The following ROPN1L variants were observed in gnomAD, a reference collection of about 807,000 sequenced individuals.
ROPN1L encodes the protein ropporin-1-like protein.
A neutral mutation model predicts 22.7 loss-of-function variants in ROPN1L; 23 were observed. The ratio of observed to expected loss-of-function variants is 1.01; its 90% CI spans 0.73 to 1.43. ROPN1L has a LOEUF of 1.43. Ranked by LOEUF, ROPN1L falls within the 40% of genes most tolerant of loss-of-function variation. ROPN1L has a pLI of 0.00. For synonymous variants in ROPN1L, 116 were observed against 117.8 expected, an observed-to-expected ratio of 0.98 and a Z score of 0.10; for missense variants, 271 against 291.5, an observed-to-expected ratio of 0.93 and a Z score of 0.51.
intron 1 of ROPN1L, among the ~76,000 whole-genome samples, chr5:10,444,028 T>C (rs1029034684): frequency 6.6e-6 from 1 of 152,188 alleles, no homozygotes; most frequent in Non-Finnish European, 1.5e-5. Context: ...GGGGCTGTTA[T>C]TTTACCCACC....
At chr5:10,473,280 A>G (rs1309196714), downstream of ROPN1L, among the ~76,000 whole-genome samples, 2 of 152,222 alleles carry the variant, frequency 1.3e-5, no homozygotes, top group Non-Finnish European at 2.9e-5. Context: ...AAGGATCACA[A>G]GATGTGAGCA....
downstream of ROPN1L, among the ~76,000 whole-genome samples, chr5:10,475,232 A>T (rs1735303295): frequency 6.6e-6 from 1 of 152,178 alleles, no homozygotes; most frequent in Non-Finnish European, 1.5e-5. Flanking sequence ...CACCCTCTTC[A>T]ACAAGACCTG....
At chr5:10,460,900 T>C (rs1273395245) in intron 3 of ROPN1L, among the ~76,000 whole-genome samples, 1 of 152,244 alleles carries the variant, frequency 6.6e-6, no homozygotes, top group Non-Finnish European at 1.5e-5. Flanking sequence ...TTTCAAGACA[T>C]TGATGCTTCC....
chr5:10,461,258 C>T lies in ROPN1L; in HGVS notation c.492C>T (p.Pro164=), dbSNP rs1485580650. Residue 164 remains proline, a synonymous_variant, in exon 4 of 5, where the codon CCC becomes CCT. Transcript: ENST00000274134. ...CGGAGGGCGGGCCCGCTCGCATCCC[C>T]TTCAAGACGTTTTCCTACGTTTACC... ...DDPEGGPARI[P]FKTFSYVYRY... is the part of the protein sequence containing the mutation. 5 of 1,614,198 alleles carry T rather than the reference C, an allele frequency of 3.1e-6. No homozygotes were observed. Among genetic ancestry groups the T allele is most frequent in the Non-Finnish European group, 4.2e-6 (5 of 1,180,036 alleles).
At chr5:10,448,764 C>T (rs1396724368) in intron 2 of ROPN1L, among the ~76,000 whole-genome samples, 1 of 152,240 alleles carries the variant, frequency 6.6e-6, no homozygotes, top group Non-Finnish European at 1.5e-5. Flanking sequence ...GTGCGCAGGC[C>T]TGAGTAAGCC....
At chr5:10,458,087 C>G (rs945893217) in intron 3 of ROPN1L, among the ~76,000 whole-genome samples, 1 of 152,076 alleles carries the variant, frequency 6.6e-6, no homozygotes, top group African/African-American at 2.4e-5. Flanking sequence ...GTGAAGTCCT[C>G]CAGCTCACAC....
chr5:10,442,023 G>A lies in ROPN1L; in HGVS notation c.-145G>A. 1 of 1,159,524 alleles carries A rather than the reference G, an allele frequency of 8.6e-7. No individual in the cohort carries two copies. The highest frequency in any genetic ancestry group is 1.2e-6 in the Non-Finnish European group (1 of 824,446). 71.8% of individuals were successfully genotyped at this position (1,159,524 alleles called of 1,614,324 possible). On this transcript the variant is annotated 5_prime_UTR_variant, in exon 1 of 5. Coordinates refer to ENST00000274134, the MANE Select transcript of ROPN1L (RefSeq NM_031916.5). ...GAGCGGGTAAGAGCCCCGCGAATCC[G>A]GCCCCAACCTCGGGAACGGGATGGG... is the stretch of plus-strand genomic sequence containing the variant.
chr5:10,464,794 C>CT, intron 4 of ROPN1L, 54 bp from the exon 5 acceptor site: 1 of 1,001,282 alleles, frequency 1.0e-6, no homozygotes, highest in Admixed American at 2.5e-5. Flanking sequence ...AAAAATGTTA[C>CT]TAAGTATATG....
downstream of ROPN1L, among the ~76,000 whole-genome samples, chr5:10,468,817 C>T (rs814597): frequency 0.18 from 27,771 of 152,082 alleles, 3,712 homozygotes; most frequent in East Asian, 0.67. Flanking sequence ...CTGGATTTAG[C>T]ACCTCAAGAG....
chr5:10,461,348 A>C lies in ROPN1L; in HGVS notation c.582A>C (p.Leu194=). ...PLETESYLAS[L]KENIDARKNG... Reference sequence around the variant, plus strand: ...AGACGGAATCCTACCTTGCCTCTCTAAAGGAAAATATGTAAGTATGCACCC... The same window carrying C: ...AGACGGAATCCTACCTTGCCTCTCTCAAGGAAAATATGTAAGTATGCACCC... Residue 194 remains leucine, a synonymous_variant, in exon 4 of 5, where the codon CTA becomes CTC. Coordinates refer to ENST00000274134, the MANE Select transcript of ROPN1L (RefSeq NM_031916.5). 1.2e-6 allele frequency: 2 copies of C among 1,613,654 alleles called. No homozygotes were observed. Among genetic ancestry groups the C allele is most frequent in the Admixed American group, 1.7e-5 (1 of 59,998 alleles).
chr5:10,451,754 G>T (rs909375926), intron 3 of ROPN1L, among the ~76,000 whole-genome samples: 1 of 152,180 alleles, frequency 6.6e-6, no homozygotes, highest in Non-Finnish European at 1.5e-5. Flanking sequence ...TGTCAGCCCC[G>T]GGCTAATTGT....
intron 2 of ROPN1L, among the ~76,000 whole-genome samples, chr5:10,449,288 G>T (rs1369658522): frequency 6.6e-6 from 1 of 152,232 alleles, no homozygotes; most frequent in Non-Finnish European, 1.5e-5. Flanking sequence ...GGAGGCTGAG[G>T]CGGGCAGATC....
At chr5:10,477,969 A>G in the ROPN1L span, 1 of 152,172 alleles carries the variant, frequency 6.6e-6, no homozygotes, top group Non-Finnish European at 1.5e-5. Context: ...CCAGGATAAA[A>G]CTCTCTGTTG....
chr5:10,464,842 A>G lies in ROPN1L; in HGVS notation c.594-6A>G, dbSNP rs375013152. 11 of 1,564,176 alleles carry G rather than the reference A, an allele frequency of 7.0e-6. No individual in the cohort carries two copies. The highest frequency in any genetic ancestry group is 1.4e-5 in the African/African-American group (1 of 72,816). On this transcript the variant is annotated splice_polypyrimidine_tract_variant and splice_region_variant and intron_variant, in intron 4 of 4. Transcript: ENST00000274134. ...CAATAAATATCTTTATCTGTTTCCA[A>G]TTTAGAGACGCCAGGAAGAACGGCA... is the stretch of plus-strand genomic sequence containing the variant.
At chr5:10,463,375 CAG>C (rs1463683523) in intron 4 of ROPN1L, among the ~76,000 whole-genome samples, 1 of 152,208 alleles carries the variant, frequency 6.6e-6, no homozygotes, top group East Asian at 1.9e-4. Flanking sequence ...TATGGGGAGG[CAG>C]AGAGAGCAGC....
chr5:10,464,502 T>G (rs1202196427), intron 4 of ROPN1L, among the ~76,000 whole-genome samples: 3 of 152,174 alleles, frequency 2.0e-5, no homozygotes, highest in Admixed American at 6.5e-5. Context: ...ACATGGGTGG[T>G]TCCATCTCAT....
downstream of ROPN1L, among the ~76,000 whole-genome samples, chr5:10,472,787 A>C (rs1735269725): frequency 6.6e-6 from 1 of 152,228 alleles, no homozygotes; most frequent in African/African-American, 2.4e-5. Flanking sequence ...TAACCATGTT[A>C]TCAAGTGGAA....
rs1397750382 is a variant in ROPN1L at position 10,464,994 on chromosome 5, T to G, written c.*47T>G. The G allele has an allele frequency of 8.5e-7, 1 of 1,174,956 alleles. No individual in the cohort carries two copies. Among genetic ancestry groups the G allele is most frequent in the Non-Finnish European group, 1.2e-6 (1 of 813,144 alleles). 72.8% of individuals were successfully genotyped at this position (1,174,956 alleles called of 1,614,324 possible). A position where few individuals can be genotyped will look rare whatever the true frequency, so the allele number is the denominator to read the frequency against. On this transcript the variant is annotated 3_prime_UTR_variant, in exon 5 of 5. Transcript: ENST00000274134. ...ATGTCAAAATAGTGCTCTTTAAAAT[T>G]CTGGCACCAAATACAACTTACCCTG...
rs1025258468 is a variant in ROPN1L at position 10,454,736 on chromosome 5, A to T, written c.417+4623A>T. On this transcript the variant is annotated intron_variant, in intron 3 of 4. Transcript: ENST00000274134. ...TTTTCCATCTGAACACGGTGCACGC[A>T]GTGGGCATGATTTCTAGGGTTTAAC... 7.9e-5 allele frequency among the ~76,000 whole-genome samples: 12 copies of T among 152,228 alleles called. No individual in the cohort carries two copies. The South Asian group carries it at 1.2e-3, about 16-fold the overall frequency.
Sources: gnomAD v4.1 joint callset for allele counts (sites outside exome capture counted in the v4.1 genomes callset) on GRCh38, gnomAD v4.1.1 for gene constraint, MANE v1.5 for transcripts, NCBI Gene and HGNC (gene_info 2026-07-23, HGNC 2026-07-21) for gene names.